DAB1: variants seen among roughly 807,000 people sequenced by gnomAD.
The protein encoded by DAB1 is DAB adaptor protein 1, also known as disabled homolog 1.
Under a neutral mutation model 64.6 loss-of-function variants are expected in DAB1, and 15 were observed. That is an observed-to-expected ratio of 0.23 (90% confidence interval 0.16 to 0.36). The LOEUF is 0.36. Ranked by LOEUF, DAB1 falls within the 10% of genes least tolerant of loss-of-function variation. The pLI, the probability that DAB1 is intolerant of heterozygous loss-of-function variation, is 1.00. For synonymous variants in DAB1, 235 were observed against 251.9 expected, an observed-to-expected ratio of 0.93 and a Z score of 0.64; for missense variants, 596 against 706.7, an observed-to-expected ratio of 0.84 and a Z score of 1.78.
At chr1:57,427,312 A>C (rs1685328645), upstream of DAB1, among the ~76,000 whole-genome samples, 1 of 152,182 alleles carries the variant, frequency 6.6e-6, no homozygotes, top group South Asian at 2.1e-4. Context: ...AGGCATTGGG[A>C]ATAATGGTGA....
At chr1:57,692,402 G>T (rs1362758080) in intron 6 of DAB1, among the ~76,000 whole-genome samples, 2 of 151,892 alleles carry the variant, frequency 1.3e-5, no homozygotes, top group African/African-American at 4.8e-5. Context: ...GAGGAAGAGA[G>T]AAAGAGAAAG....
intron 7 of DAB1, among the ~76,000 whole-genome samples, chr1:57,545,535 C>T (rs1317095961): frequency 6.6e-6 from 1 of 152,152 alleles, no homozygotes; most frequent in African/African-American, 2.4e-5. Flanking sequence ...TATTGCTCTT[C>T]CCCCTTCAAA....
At chr1:58,349,496 A>C (rs1179162296) in intron 3 of DAB1, among the ~76,000 whole-genome samples, 1 of 151,874 alleles carries the variant, frequency 6.6e-6, no homozygotes, top group Admixed American at 6.6e-5. Context: ...TTCGGGGTAC[A>C]TGTGCAGAAT....
rs1283326590 is a variant in DAB1, at chr1:57,555,037, T to A, written n.625+94555A>T. On this transcript the variant is annotated intron_variant and non_coding_transcript_variant, in intron 7 of 20. Transcript: ENST00000485760. ...CTTCGGTATCTCTATTTTTTTTTTT[T>A]TTTTTTTTTTTTTTTTGAGACGGAG... is the stretch of plus-strand genomic sequence containing the variant. 3.6e-5 allele frequency among the ~76,000 whole-genome samples: 5 copies of A among 137,502 alleles called. No homozygotes were observed. In the East Asian group the frequency reaches 1.1e-3, roughly 30 times the overall value. The allele number at this position is 137,502 out of a possible 152,430, so 90.2% of individuals were successfully genotyped here. A position where few individuals can be genotyped will look rare whatever the true frequency, so the allele number is the denominator to read the frequency against.
At chr1:57,758,024 C>T (rs541403907) in intron 6 of DAB1, among the ~76,000 whole-genome samples, 1 of 151,974 alleles carries the variant, frequency 6.6e-6, no homozygotes, top group Non-Finnish European at 1.5e-5. Context: ...TCAGTGTTGC[C>T]CAGGTTGGTC....
At chr1:57,482,994 A>C (rs917972331) in intron 7 of DAB1, among the ~76,000 whole-genome samples, 1 of 152,238 alleles carries the variant, frequency 6.6e-6, no homozygotes, top group Non-Finnish European at 1.5e-5. Flanking sequence ...ATTTGAACAC[A>C]TATTACATGA....
chr1:58,319,220 T>C (rs767886276), intron 4 of DAB1, among the ~76,000 whole-genome samples: 2 of 152,168 alleles, frequency 1.3e-5, no homozygotes, highest in Non-Finnish European at 2.9e-5. Context: ...AATTCCCCCC[T>C]CAAAAATTTG....
chr1:57,477,484 C>T (rs1643953154), intron 7 of DAB1, among the ~76,000 whole-genome samples: 1 of 152,078 alleles, frequency 6.6e-6, no homozygotes, highest in Non-Finnish European at 1.5e-5. Context: ...TTGGAAAACA[C>T]TTATTTCAGG....
chr1:57,930,244 G>A (rs143085387), intron 5 of DAB1, among the ~76,000 whole-genome samples: 2,239 of 152,194 alleles, frequency 0.015, 29 homozygotes, highest in Middle Eastern at 0.031. Context: ...CCATTGATCT[G>A]TCTAATCTTT....
chr1:58,046,795 T>G (rs527652550), intron 5 of DAB1, among the ~76,000 whole-genome samples: 1 of 152,274 alleles, frequency 6.6e-6, no homozygotes, highest in African/African-American at 2.4e-5. Context: ...GCTCCTGCCA[T>G]GTGCCAGCCA....
At chr1:58,384,092 T>A (rs959994686) in intron 3 of DAB1, among the ~76,000 whole-genome samples, 1 of 152,120 alleles carries the variant, frequency 6.6e-6, no homozygotes, top group Non-Finnish European at 1.5e-5. Context: ...GAAACTGATG[T>A]GGAATAATAT....
intron 5 of DAB1, among the ~76,000 whole-genome samples, chr1:58,077,741 C>T (rs1033523722): frequency 2.0e-5 from 3 of 152,210 alleles, no homozygotes; most frequent in African/African-American, 4.8e-5. Flanking sequence ...GAAAGATTGA[C>T]GGCTTCCAAA....
chr1:57,941,408 T>TA (rs1402044966), intron 5 of DAB1, among the ~76,000 whole-genome samples: 2 of 152,206 alleles, frequency 1.3e-5, no homozygotes, highest in East Asian at 1.9e-4. Flanking sequence ...TTCTGTCTGT[T>TA]AAAAAGGCAT....
chr1:58,378,098 T>G (rs1644347305), intron 3 of DAB1, among the ~76,000 whole-genome samples: 1 of 132,790 alleles, frequency 7.5e-6, no homozygotes, highest in South Asian at 2.4e-4. Context: ...TTTTTCAAAG[T>G]TTTCAACTTC....
chr1:57,482,620 T>A (rs1558422525), intron 7 of DAB1, among the ~76,000 whole-genome samples: 1 of 152,178 alleles, frequency 6.6e-6, no homozygotes, highest in Non-Finnish European at 1.5e-5. Context: ...CCAATAGCTT[T>A]TTATTCACAA....
At chr1:57,026,163 C>T (rs559494508) in intron 9 of DAB1, 120 bp from the exon 10 acceptor site, 26 of 724,810 alleles carry the variant, frequency 3.6e-5, no homozygotes, top group African/African-American at 1.1e-4. Context: ...CTAGATAAAC[C>T]GTAATCCTGA....
At chr1:58,280,485 T>C (rs905567585) in intron 4 of DAB1, among the ~76,000 whole-genome samples, 2 of 152,206 alleles carry the variant, frequency 1.3e-5, no homozygotes, top group African/African-American at 4.8e-5. Context: ...ATGGGGATCG[T>C]AGCAATGCTA....
chr1:57,466,684 C>G (rs1034539207), intron 7 of DAB1, among the ~76,000 whole-genome samples: 1 of 152,180 alleles, frequency 6.6e-6, no homozygotes, highest in African/African-American at 2.4e-5. Context: ...GGGCTCTTAA[C>G]TGGAGGCCCT....
intron 5 of DAB1, among the ~76,000 whole-genome samples, chr1:58,001,919 C>T (rs1465873981): frequency 2.0e-5 from 3 of 152,144 alleles, no homozygotes; most frequent in Admixed American, 6.6e-5. Context: ...GGAGATTTCA[C>T]ACATACAGAA....
Sources: gnomAD v4.1 joint callset for allele counts (sites outside exome capture counted in the v4.1 genomes callset) on GRCh38, gnomAD v4.1.1 for gene constraint, MANE v1.5 for transcripts, NCBI Gene and HGNC (gene_info 2026-07-23, HGNC 2026-07-21) for gene names.